The following KCTD3 variants were observed in gnomAD, a reference collection of about 807,000 sequenced individuals.
KCTD3 encodes the protein potassium channel tetramerization domain containing 3.
A neutral mutation model predicts 85.8 loss-of-function variants in KCTD3; 41 were observed. The ratio of observed to expected loss-of-function variants is 0.48; its 90% confidence interval spans 0.37 to 0.62. KCTD3 has a LOEUF of 0.62. Ranked by LOEUF, KCTD3 falls within the 20% of genes least tolerant of loss-of-function variation. KCTD3 has a pLI of 0.00. For missense variants in KCTD3, 724 were observed against 989.9 expected (o/e 0.73, Z 3.60); for synonymous variants, 338 against 345.4 (o/e 0.98, Z 0.24).
At chr1:215,586,461 G>A in intron 8 of KCTD3, 34 bp from the exon 9 acceptor site, 2 of 1,550,486 alleles carry the variant, frequency 1.3e-6, no homozygotes, top group Non-Finnish European at 8.8e-7. Context: ...CATTGCTGCT[G>A]AGTCTACCTT....
chr1:215,593,677 G>A (rs931107270), intron 9 of KCTD3, among the ~76,000 whole-genome samples: 1 of 152,006 alleles, frequency 6.6e-6, no homozygotes, highest in Non-Finnish European at 1.5e-5. Flanking sequence ...GAAGTTGTCT[G>A]TATTGGCACA....
intron 12 of KCTD3, among the ~76,000 whole-genome samples, 155 bp downstream of exon 12, chr1:215,602,356 T>C (rs959741352): frequency 1.1e-4 from 16 of 152,096 alleles, no homozygotes; most frequent in African/African-American, 3.9e-4. Context: ...TTGTATTCAG[T>C]TTTATACTGA....
chr1:215,620,458 G>A lies in KCTD3; in HGVS notation c.2288G>A (p.Gly763Glu). 2 of 1,613,652 alleles carry A rather than the reference G, an allele frequency of 1.2e-6. No homozygotes were observed. Among genetic ancestry groups the A allele is most frequent in the Non-Finnish European group, 1.7e-6 (2 of 1,179,646 alleles). ...AAGAAAGGAGGATTTGAAGGGGGAG[G>A]ATTCCTTGGAAGAAAGAAAGTTCCC... ...FRKKGGFEGG[G>E]FLGRKKVPYL... Residue 763 changes from glycine (G) to glutamate (E), a missense_variant, in exon 18 of 18, where the codon GGA becomes GAA. Around this residue, in one of 6 missense-constraint regions of KCTD3, gnomAD observed 222 missense variants for 217.7 expected, o/e 1.02. Coordinates refer to ENST00000259154, the MANE Select transcript of KCTD3 (RefSeq NM_016121.5).
chr1:215,620,466 G>A lies in KCTD3; in HGVS notation c.2296G>A (p.Gly766Arg), dbSNP rs1290740688. 6.2e-7 allele frequency: 1 copy of A among 1,613,624 alleles called. No individual in the cohort carries two copies. The highest frequency in any genetic ancestry group is 8.5e-7 in the Non-Finnish European group (1 of 1,179,748). ...AGGATTTGAAGGGGGAGGATTCCTTGGAAGAAAGAAAGTTCCCTATCTGGC... is the reference window on the plus strand; with the variant it reads ...AGGATTTGAAGGGGGAGGATTCCTTAGAAGAAAGAAAGTTCCCTATCTGGC... Reference protein sequence around the residue: ...KGGFEGGGFLGRKKVPYLASS... With the variant: ...KGGFEGGGFLRRKKVPYLASS... The change falls in exon 18 of 18, where the codon GGA becomes AGA. Residue 766 changes from glycine to arginine, a missense_variant. Transcript: ENST00000259154.
Position 215,568,486 on chromosome 1 carries a change from C to G in KCTD3, c.83+718C>G, listed in dbSNP as rs1189298318. Among the ~76,000 whole-genome samples, 33 of 7,522 alleles carry G rather than the reference C, an allele frequency of 4.4e-3. 6 individuals are homozygous for G. Among genetic ancestry groups the G allele is most frequent in the Non-Finnish European group, 0.021 (32 of 1,526 alleles). The allele number at this position is 7,522 out of a possible 152,430, so 4.9% of individuals were successfully genotyped here. On this transcript the variant is annotated intron_variant, in intron 1 of 17. Transcript: ENST00000259154. ...TGTCTGTTCTCTTTCTGGCCTTCCG[C>G]CCCCCCCCCCCCCCGCCCCTTCTGT...
rs139622332 is a variant in KCTD3, at chr1:215,619,955, TTATG to T, written c.1887-98_1887-95del. 3,488 of 740,374 alleles carry T rather than the reference TTATG, an allele frequency of 4.7e-3. 90 individuals carry two copies. The African/African-American group carries it at 0.053, about 11-fold the overall frequency. 45.9% of individuals were successfully genotyped at this position (740,374 alleles called of 1,614,324 possible). ...AAGAGAAATATGGATATAATACACTTTATGTATTTATATAGTGTGTTTTATTGGT... is the reference window on the plus strand; with the variant it reads ...AAGAGAAATATGGATATAATACACTTTATTTATATAGTGTGTTTTATTGGT... On this transcript the variant is annotated intron_variant, in intron 17 of 17. Coordinates refer to ENST00000259154, the MANE Select transcript of KCTD3 (RefSeq NM_016121.5).
chr1:215,583,822 G>A (rs941453736), intron 8 of KCTD3, among the ~76,000 whole-genome samples: 12 of 152,162 alleles, frequency 7.9e-5, no homozygotes, highest in Admixed American at 5.2e-4. Context: ...GTTAGAAACT[G>A]TCAGTATGGT....
intron 13 of KCTD3, 62 bp downstream of exon 13, chr1:215,604,364 A>G (rs1654935857): frequency 2.3e-6 from 3 of 1,314,642 alleles, no homozygotes; most frequent in Admixed American, 1.9e-5. Flanking sequence ...CATTAAAAGA[A>G]TGAAAACGCA....
rs761859136 is a variant in KCTD3, at chr1:215,602,220, A to C, written c.1138+19A>C. On this transcript the variant is annotated intron_variant, in intron 12 of 17. Transcript: ENST00000259154. ...AAAACAAGTTAGTACATGGCCAATT[A>C]TATACATTCTTGACTTTTTATCTTT... The C allele has an allele frequency of 8.5e-7, 1 of 1,176,016 alleles. No homozygotes were observed. The highest frequency in any genetic ancestry group is 1.5e-5 in the African/African-American group (1 of 65,324). The allele number at this position is 1,176,016 out of a possible 1,614,324, so 72.8% of individuals were successfully genotyped here. A position where few individuals can be genotyped will look rare whatever the true frequency, so the allele number is the denominator to read the frequency against.
At chr1:215,619,842 G>A (rs759845713) in intron 17 of KCTD3, among the ~76,000 whole-genome samples, 69 of 152,006 alleles carry the variant, frequency 4.5e-4, no homozygotes, top group Admixed American at 2.6e-3. Context: ...AATTCAGCAT[G>A]TCTGTGAATA....
chr1:215,612,150 T>C (rs1467564939), intron 15 of KCTD3, among the ~76,000 whole-genome samples: 1 of 152,182 alleles, frequency 6.6e-6, no homozygotes, highest in Non-Finnish European at 1.5e-5. Context: ...GGACTAGTGA[T>C]AGAATAAGAA....
At chr1:215,591,529 T>G (rs1660218193) in intron 9 of KCTD3, among the ~76,000 whole-genome samples, 1 of 152,128 alleles carries the variant, frequency 6.6e-6, no homozygotes, top group South Asian at 2.1e-4. Flanking sequence ...AGCTAATTTC[T>G]GTATTTTTAG....
At chr1:215,610,317 G>A (rs577735695) in intron 14 of KCTD3, among the ~76,000 whole-genome samples, 10 of 151,902 alleles carry the variant, frequency 6.6e-5, no homozygotes, top group South Asian at 2.1e-4. Context: ...GCCAAGAAGC[G>A]ATCAAAGGTC....
chr1:215,602,045 G>A, intron 11 of KCTD3, 40 bp from the exon 12 acceptor site: 2 of 1,379,094 alleles, frequency 1.5e-6, no homozygotes, highest in Non-Finnish European at 2.0e-6. Context: ...AAATAGATAT[G>A]CTATTTATTT....
intron 10 of KCTD3, among the ~76,000 whole-genome samples, chr1:215,601,172 G>T (rs1172570590): frequency 3.9e-5 from 6 of 152,122 alleles, no homozygotes; most frequent in African/African-American, 1.4e-4. Flanking sequence ...CCTGACCTCT[G>T]GTGATCTGCC....
intron 8 of KCTD3, among the ~76,000 whole-genome samples, chr1:215,584,848 A>G (rs1432777942): frequency 1.3e-5 from 2 of 152,228 alleles, no homozygotes; most frequent in African/African-American, 4.8e-5. Context: ...ATACTCACAA[A>G]TAGTTTCCAA....
chr1:215,605,307 A>G (rs1437877643), intron 13 of KCTD3, among the ~76,000 whole-genome samples: 1 of 152,178 alleles, frequency 6.6e-6, no homozygotes, highest in Non-Finnish European at 1.5e-5. Context: ...CTGAATGATT[A>G]TGCTTTTATT....
chr1:215,591,287 T>TTTCC (rs10592000), intron 9 of KCTD3, among the ~76,000 whole-genome samples: 13,093 of 110,784 alleles, frequency 0.12, 854 homozygotes, highest in African/African-American at 0.14. Flanking sequence ...TCCTTCCTTC[T>TTTCC]TTCCTTCCTT....
rs1655099706 is a variant in KCTD3 at position 215,608,040 on chromosome 1, C to T, written c.1333C>T (p.Arg445Trp). ...VSVCADNNHV[R>W]TWTVTRFRGM... ...AGTCTGTGCAGATAATAATCATGTC[C>T]GGACGTGGACAGTAACACGATTCAG... The change falls in exon 14 of 18, where the codon CGG becomes TGG. Residue 445 changes from arginine (R) to tryptophan (W), a missense_variant. Physicochemically the swap from Arg to Trp is moderately radical, Grantham distance 101. Around this residue, in one of 6 missense-constraint regions of KCTD3, gnomAD observed 146 missense variants for 320.3 expected, o/e 0.46. Coordinates refer to ENST00000259154, the MANE Select transcript of KCTD3 (RefSeq NM_016121.5). 6.2e-7 allele frequency: 1 copy of T among 1,609,398 alleles called. No homozygotes were observed. Among genetic ancestry groups the T allele is most frequent in the Non-Finnish European group, 8.5e-7 (1 of 1,177,824 alleles).
Sources: gnomAD v4.1 joint callset for allele counts (sites outside exome capture counted in the v4.1 genomes callset) on GRCh38, gnomAD v4.1.1 for gene constraint, gnomAD v4.1.1 regional missense constraint, MANE v1.5 for transcripts, NCBI Gene and HGNC (gene_info 2026-07-23, HGNC 2026-07-21) for gene names.